Variants in CSF1R observed in about 807,000 individuals in gnomAD.
The protein encoded by CSF1R is macrophage colony-stimulating factor 1 receptor.
In CSF1R, 40 loss-of-function variants were observed where a neutral mutation model predicts 110.0. That is an observed-to-expected ratio of 0.36 (90% CI 0.28 to 0.47). The LOEUF (loss-of-function observed/expected upper bound fraction) is 0.47. CSF1R is among the 20% of genes least tolerant of loss of function. The pLI, the probability that CSF1R is intolerant of heterozygous loss-of-function variation, is 0.99. For synonymous variants in CSF1R, 523 were observed against 503.4 expected (o/e 1.04, Z -0.52); for missense variants, 1,052 against 1,253.0 (o/e 0.84, Z 2.42).
At chr5:150,085,179 G>A (rs774525577) in intron 1 of CSF1R, among the ~76,000 whole-genome samples, 2 of 149,428 alleles carry the variant, frequency 1.3e-5, no homozygotes, top group Non-Finnish European at 2.9e-5. Context: ...GGGAGGCTGA[G>A]ACAGGAGAAA....
At chr5:150,096,052 G>T (rs913982596) in intron 1 of CSF1R, among the ~76,000 whole-genome samples, 4 of 152,170 alleles carry the variant, frequency 2.6e-5, no homozygotes, top group African/African-American at 9.7e-5. Context: ...AAACTCTTCA[G>T]GTTCAAGTGG....
rs1419926665 is a variant in CSF1R at position 150,070,521 on chromosome 5, C to T, written c.1133G>A (p.Arg378His). Reference protein sequence around the residue: ...LPRLKPSEAGRYSFLARNPGG... With the variant: ...LPRLKPSEAGHYSFLARNPGG... ...TGGGTTTCTGGCCAGGAAGGAGTAG[C>T]GGCCAGCCTCAGAGGGCTTCAGGCG... The change falls in exon 7 of 21, where the codon CGC becomes CAC. Residue 378 changes from arginine to histidine, a missense_variant. This residue lies in a region of CSF1R where 693 missense variants were observed against 735.4 expected (regional missense o/e 0.94). Transcript: ENST00000675795. The T allele has an allele frequency of 1.6e-5, 25 of 1,552,642 alleles. No individual in the cohort carries two copies. The highest frequency in any genetic ancestry group is 3.3e-4 in the Middle Eastern group (2 of 5,986).
chr5:150,111,146 G>A (rs1338665836), intron 1 of CSF1R, among the ~76,000 whole-genome samples: 3 of 152,130 alleles, frequency 2.0e-5, no homozygotes, highest in South Asian at 2.1e-4. Context: ...TGTTAGAGAC[G>A]GTGCCCTGAT....
At chr5:150,112,120 A>T (rs1288771064) in intron 1 of CSF1R, among the ~76,000 whole-genome samples, 1 of 152,166 alleles carries the variant, frequency 6.6e-6, no homozygotes, top group African/African-American at 2.4e-5. Flanking sequence ...TGGCTATATA[A>T]ACCATCCTCA....
At chr5:150,105,372 ATATATATATAT>A (rs1759521178) in intron 1 of CSF1R, among the ~76,000 whole-genome samples, 1 of 92,278 alleles carries the variant, frequency 1.1e-5, no homozygotes, top group Non-Finnish European at 2.1e-5. Context: ...AAATATATAT[ATATATATATAT>A]ATTTTTTTTT....
intron 1 of CSF1R, among the ~76,000 whole-genome samples, chr5:150,107,244 C>T (rs1035894914): frequency 1.3e-5 from 2 of 152,238 alleles, no homozygotes; most frequent in African/African-American, 2.4e-5. Flanking sequence ...GGGACCTCAC[C>T]GCCTGGTGGG....
At chr5:150,110,668 T>C (rs375990227) in intron 1 of CSF1R, among the ~76,000 whole-genome samples, 11 of 152,312 alleles carry the variant, frequency 7.2e-5, no homozygotes, top group Admixed American at 3.9e-4. Flanking sequence ...CAGATACAAA[T>C]ATTAGTATGG....
At chr5:150,104,736 A>G (rs143686515) in intron 1 of CSF1R, among the ~76,000 whole-genome samples, 214 of 152,342 alleles carry the variant, frequency 1.4e-3, no homozygotes, top group Non-Finnish European at 9.8e-4. Context: ...ATACCTGACC[A>G]TTCTGATCCA....
upstream of CSF1R, among the ~76,000 whole-genome samples, chr5:150,088,529 T>TC (rs1758934758): frequency 1.3e-5 from 2 of 152,046 alleles, no homozygotes. Context: ...CTTTTTTTTT[T>TC]TTTCTTTCTT....
chr5:150,101,717 T>C (rs555484452), intron 1 of CSF1R, among the ~76,000 whole-genome samples: 3 of 149,886 alleles, frequency 2.0e-5, no homozygotes, highest in Middle Eastern at 6.9e-3. Flanking sequence ...CATAAAGAGA[T>C]ACACTGTCCC....
At chr5:150,107,405 G>A (rs910390996) in intron 1 of CSF1R, among the ~76,000 whole-genome samples, 1 of 152,210 alleles carries the variant, frequency 6.6e-6, no homozygotes, top group Non-Finnish European at 1.5e-5. Flanking sequence ...CATGAAGAAG[G>A]ACTGTTCTGG....
At chr5:150,099,079 T>C (rs1030159240) in intron 1 of CSF1R, among the ~76,000 whole-genome samples, 7 of 123,732 alleles carry the variant, frequency 5.7e-5, no homozygotes, top group African/African-American at 2.3e-4. Context: ...TTTTTTTTTT[T>C]TGTATTTTTA....
chr5:150,078,351 C>A, intron 3 of CSF1R, 103 bp from the exon 4 acceptor site: 1 of 1,418,480 alleles, frequency 7.0e-7, no homozygotes. Context: ...CCAGGGTCCC[C>A]ATCACTGCCC....
At chr5:150,063,888 C>T (rs2113796548) in intron 10 of CSF1R, among the ~76,000 whole-genome samples, 1 of 152,240 alleles carries the variant, frequency 6.6e-6, no homozygotes, top group Non-Finnish European at 1.5e-5. Context: ...TGGGCTCCTT[C>T]CCTGGGCACC....
intron 6 of CSF1R, among the ~76,000 whole-genome samples, chr5:150,072,031 A>C (rs1180990295): frequency 6.6e-6 from 1 of 152,260 alleles, no homozygotes; most frequent in Non-Finnish European, 1.5e-5. Flanking sequence ...TCATGAGCCA[A>C]CTATGCTGGA....
At chr5:150,093,793 G>A (rs1237189818) in intron 1 of CSF1R, among the ~76,000 whole-genome samples, 3 of 152,338 alleles carry the variant, frequency 2.0e-5, no homozygotes, top group Non-Finnish European at 2.9e-5. Flanking sequence ...GCCGGGCACA[G>A]TGGCTCACGC....
Position 150,095,112 on chromosome 5 carries a change from G to GAAAAA in CSF1R, c.-180-8510_-180-8506dup, listed in dbSNP as rs35743502. 2.3e-3 allele frequency: 756 copies of GAAAAA among 328,916 alleles called. 7 individuals carry two copies. Among genetic ancestry groups the GAAAAA allele is most frequent in the South Asian group, 5.4e-3 (146 of 27,076 alleles). 20.4% of individuals were successfully genotyped at this position (328,916 alleles called of 1,614,324 possible). A position where few individuals can be genotyped will look rare whatever the true frequency, so the allele number is the denominator to read the frequency against. ...ATAAACAGTACCTGCTCTCAAATTG[G>GAAAAA]AAAAAAAAAAAAAAAAAAAAAGAAC... On this transcript the variant is annotated intron_variant, in intron 1 of 21. Coordinates refer to the CSF1R transcript ENST00000286301.
rs1292443297 is a variant in CSF1R at position 150,060,956 on chromosome 5, A to G, written c.1875T>C (p.Asp625=). The G allele has an allele frequency of 6.2e-7, 1 of 1,604,492 alleles. No homozygotes were observed. The highest frequency in any genetic ancestry group is 2.2e-5 in the East Asian group (1 of 44,700). Residue 625 remains aspartate, a synonymous_variant, in exon 13 of 21, where the codon GAT becomes GAC. Coordinates refer to ENST00000675795, the MANE Select transcript of CSF1R (RefSeq NM_001288705.3). ...VKMLKSTAHA[D]EKEALMSELK... is the part of the protein sequence containing the mutation. ...GCTCGGACATGAGGGCCTCCTTCTC[A>G]TCAGCATGGGCCGTGGCTGGGAGGA...
At chr5:150,084,530 G>A (rs1053255552) in intron 1 of CSF1R, among the ~76,000 whole-genome samples, 17 of 150,490 alleles carry the variant, frequency 1.1e-4, no homozygotes, top group African/African-American at 4.1e-4. Context: ...TCAGCTCACT[G>A]CAACCTCTGC....
Sources: allele counts gnomAD v4.1 joint callset (sites outside exome capture counted in the v4.1 genomes callset), GRCh38; gene constraint gnomAD v4.1.1; regional missense constraint gnomAD v4.1.1; transcripts MANE v1.5; gene names NCBI Gene and HGNC (gene_info 2026-07-23, HGNC 2026-07-21).